CAP2: variants seen among roughly 807,000 people sequenced by gnomAD.
CAP2 encodes cyclase associated actin cytoskeleton regulatory protein 2, also known as adenylyl cyclase-associated protein 2.
In CAP2, 24 loss-of-function variants were observed where a neutral mutation model predicts 57.7. The observed-to-expected ratio is 0.42, with a 90% confidence interval of 0.30 to 0.58. CAP2 has a LOEUF of 0.58. Among genes scored for constraint, CAP2 ranks in the 20% least tolerant of loss-of-function variants. The probability of loss-of-function intolerance (pLI) is 0.22; values close to 1 mark genes in which losing one functional copy is unlikely to be tolerated. For missense variants in CAP2, 501 were observed against 590.3 expected, an observed-to-expected ratio of 0.85 and a Z score of 1.57; for synonymous variants, 194 against 207.2, an observed-to-expected ratio of 0.94 and a Z score of 0.55.
chr6:17,430,971 T>C (rs1236726216), intron 3 of CAP2, among the ~76,000 whole-genome samples: 1 of 152,238 alleles, frequency 6.6e-6, no homozygotes, highest in Non-Finnish European at 1.5e-5. Flanking sequence ...AAGTCTTTTT[T>C]AGAGATTTCT....
intron 4 of CAP2, among the ~76,000 whole-genome samples, chr6:17,468,486 A>G (rs1487539883): frequency 6.6e-6 from 1 of 152,220 alleles, no homozygotes; most frequent in Non-Finnish European, 1.5e-5. Flanking sequence ...AACTGATCTT[A>G]AGATGCACTA....
At chr6:17,436,135 T>C (rs368026093) in intron 3 of CAP2, among the ~76,000 whole-genome samples, 8 of 132,274 alleles carry the variant, frequency 6.0e-5, no homozygotes, top group African/African-American at 2.2e-4. Context: ...CCTTCCTTCC[T>C]TCCTTTCTTG....
chr6:17,541,079 ATC>A lies in CAP2; in HGVS notation c.936_937del (p.Pro313Ter). The A allele has an allele frequency of 6.2e-7, 1 of 1,614,140 alleles. No homozygotes were observed. Among genetic ancestry groups the A allele is most frequent in the Non-Finnish European group, 8.5e-7 (1 of 1,180,000 alleles). ...PTKSHTPSPT[S>X]PKSYPSQKHA... ...CCAAAAGTCACACTCCAAGTCCCAC[ATC>A]TCCTAAATCTTATCCTTCTCAAAAA... On this transcript the variant is annotated frameshift_variant, in exon 9 of 13. Coordinates refer to ENST00000229922, the MANE Select transcript of CAP2 (RefSeq NM_006366.3). LOFTEE classifies it high-confidence loss of function.
chr6:17,503,100 G>C (rs950843853), intron 4 of CAP2, among the ~76,000 whole-genome samples: 4 of 152,128 alleles, frequency 2.6e-5, no homozygotes, highest in Non-Finnish European at 5.9e-5. Flanking sequence ...TTCTATTGTT[G>C]AGAATTTGGA....
At chr6:17,551,688 A>C in intron 12 of CAP2, 84 bp downstream of exon 12, 1 of 1,034,578 alleles carries the variant, frequency 9.7e-7, no homozygotes, top group Non-Finnish European at 1.4e-6. Flanking sequence ...TCAGCTACCA[A>C]CCTGCGAGCT....
chr6:17,440,490 G>A lies in CAP2; in HGVS notation c.222+13800G>A, dbSNP rs538748421. 1.8e-3 allele frequency among the ~76,000 whole-genome samples: 268 copies of A among 151,390 alleles called. 13 individuals are homozygous for A. The highest frequency in any genetic ancestry group is 6.3e-3 in the African/African-American group (258 of 40,846). ...ACCTCTTCCTTTTTATACCTTTCATGTCTTTTTATTTACTATTACCTTTAA... is the reference window on the plus strand; with the variant it reads ...ACCTCTTCCTTTTTATACCTTTCATATCTTTTTATTTACTATTACCTTTAA... On this transcript the variant is annotated intron_variant, in intron 3 of 12. Coordinates refer to ENST00000229922, the MANE Select transcript of CAP2 (RefSeq NM_006366.3).
chr6:17,480,018 G>A (rs189107906), intron 4 of CAP2, among the ~76,000 whole-genome samples: 1 of 152,212 alleles, frequency 6.6e-6, no homozygotes, highest in African/African-American at 2.4e-5. Context: ...AGACACTACA[G>A]TATGGCCTCT....
intron 6 of CAP2, among the ~76,000 whole-genome samples, chr6:17,510,335 C>G (rs1413124354): frequency 6.6e-6 from 1 of 152,134 alleles, no homozygotes; most frequent in African/African-American, 2.4e-5. Context: ...TTCAATAAAG[C>G]TGTTTTATTT....
intron 7 of CAP2, among the ~76,000 whole-genome samples, chr6:17,521,601 G>A (rs906327242): frequency 6.6e-6 from 1 of 152,174 alleles, no homozygotes; most frequent in African/African-American, 2.4e-5. Flanking sequence ...AAGATGGGTA[G>A]ATGGCATTGT....
At chr6:17,519,579 C>T (rs1762346421) in intron 7 of CAP2, among the ~76,000 whole-genome samples, 1 of 152,148 alleles carries the variant, frequency 6.6e-6, no homozygotes. Context: ...GTCATTTCCT[C>T]AGTGCTAAGT....
At chr6:17,516,200 T>C (rs1394138287) in intron 7 of CAP2, among the ~76,000 whole-genome samples, 1 of 152,174 alleles carries the variant, frequency 6.6e-6, no homozygotes, top group Admixed American at 6.5e-5. Flanking sequence ...TGAGTATACC[T>C]CAGTCATATC....
chr6:17,513,809 A>G lies in CAP2; in HGVS notation c.531-40A>G. On this transcript the variant is annotated intron_variant, in intron 6 of 12. Coordinates refer to ENST00000229922, the MANE Select transcript of CAP2 (RefSeq NM_006366.3). The surrounding 1 kb of genome is among the most constrained non-coding windows in gnomAD (Gnocchi z 4.3). ...CAATTTTTTTAAAATTTTATTTTAGATCCTAACTCTGCTTTCTTCAACCCT... is the reference window on the plus strand; with the variant it reads ...CAATTTTTTTAAAATTTTATTTTAGGTCCTAACTCTGCTTTCTTCAACCCT... The G allele has an allele frequency of 7.2e-7, 1 of 1,392,416 alleles. No individual in the cohort carries two copies. The highest frequency in any genetic ancestry group is 1.0e-6 in the Non-Finnish European group (1 of 978,290). The allele number at this position is 1,392,416 out of a possible 1,614,324, so 86.3% of individuals were successfully genotyped here. A position where few individuals can be genotyped will look rare whatever the true frequency, so the allele number is the denominator to read the frequency against.
intron 3 of CAP2, among the ~76,000 whole-genome samples, chr6:17,441,390 C>T (rs1329926192): frequency 6.6e-6 from 1 of 151,540 alleles, no homozygotes; most frequent in Non-Finnish European, 1.5e-5. Flanking sequence ...TATTAAATAT[C>T]AAGTGCATTT....
chr6:17,498,047 A>G (rs924959269), intron 4 of CAP2, among the ~76,000 whole-genome samples: 2 of 152,244 alleles, frequency 1.3e-5, no homozygotes, highest in Non-Finnish European at 2.9e-5. Context: ...TCCTTCGGAA[A>G]AGTGTCAGAC....
At chr6:17,482,533 A>G (rs1426478096) in intron 4 of CAP2, among the ~76,000 whole-genome samples, 1 of 142,728 alleles carries the variant, frequency 7.0e-6, no homozygotes, top group African/African-American at 2.6e-5. Context: ...AAAAAAAAAA[A>G]AAAAAAGTCT....
At chr6:17,442,521 TTGAG>T (rs915516891) in intron 3 of CAP2, among the ~76,000 whole-genome samples, 7 of 152,128 alleles carry the variant, frequency 4.6e-5, no homozygotes, top group Non-Finnish European at 7.4e-5. Context: ...AAAAAACTGA[TTGAG>T]TCTCACATGC....
intron 11 of CAP2, among the ~76,000 whole-genome samples, chr6:17,544,843 C>T (rs1374193846): frequency 3.3e-5 from 5 of 152,214 alleles, no homozygotes; most frequent in Admixed American, 1.3e-4. Context: ...TCATGAGCCA[C>T]AGCACCCAGC....
intron 4 of CAP2, among the ~76,000 whole-genome samples, chr6:17,470,259 G>A (rs552003630): frequency 1.5e-3 from 224 of 152,240 alleles, no homozygotes; most frequent in Non-Finnish European, 2.0e-3. Context: ...CCCACTTGGG[G>A]GAAGGCAGTT....
chr6:17,467,723 C>T (rs2113604348), intron 4 of CAP2, among the ~76,000 whole-genome samples: 1 of 152,242 alleles, frequency 6.6e-6, no homozygotes, highest in African/African-American at 2.4e-5. Flanking sequence ...TGAGGTTTCA[C>T]TATGTTGGTC....
Sources: gnomAD v4.1 joint callset for allele counts (sites outside exome capture counted in the v4.1 genomes callset) on GRCh38, gnomAD v4.1.1 for gene constraint, Gnocchi (gnomAD v3.1) non-coding constraint, MANE v1.5 for transcripts, NCBI Gene and HGNC (gene_info 2026-07-23, HGNC 2026-07-21) for gene names.